The following ZNF536 variants were observed in gnomAD, a reference collection of about 807,000 sequenced individuals.
ZNF536 encodes the protein zinc finger protein 536.
ZNF536 carries 13 observed loss-of-function variants against 84.5 expected under a neutral mutation model. The ratio of observed to expected loss-of-function variants is 0.15; its 90% CI spans 0.10 to 0.24. The LOEUF is 0.24. ZNF536 is among the 10% of genes least tolerant of loss of function. The pLI is 1.00. For missense variants in ZNF536, 1,536 were observed against 1,747.5 expected (o/e 0.88, Z 2.16); for synonymous variants, 811 against 742.5 (o/e 1.09, Z -1.50).
At chr19:30,383,580 CTCT>C (rs1266057098) in intron 1 of ZNF536, among the ~76,000 whole-genome samples, 1 of 151,782 alleles carries the variant, frequency 6.6e-6, no homozygotes, top group African/African-American at 2.4e-5. Flanking sequence ...CCTTTATCCT[CTCT>C]TCTTCTGCCC....
At chr19:30,415,114 CTCCTTCTTCTCCTCCTCCTCCTTT>C (rs1186979206) in intron 1 of ZNF536, among the ~76,000 whole-genome samples, 5 of 143,560 alleles carry the variant, frequency 3.5e-5, no homozygotes, top group African/African-American at 5.2e-5. Flanking sequence ...CTTCCTCCTT[CTCCTTCTTCTCCTCCTCCTCCTTT>C]TCCTTCTTCT....
chr19:30,653,781 C>T (rs929083343), intron 1 of ZNF536, among the ~76,000 whole-genome samples: 4 of 152,152 alleles, frequency 2.6e-5, no homozygotes, highest in African/African-American at 9.7e-5. Flanking sequence ...CCCGCCCAGC[C>T]TGCCTTGCTC....
At chr19:30,266,196 G>A (rs1238924025) in intron 1 of ZNF536, among the ~76,000 whole-genome samples, 1 of 152,150 alleles carries the variant, frequency 6.6e-6, no homozygotes, top group Non-Finnish European at 1.5e-5. Context: ...CTACAGCCAC[G>A]AGCCACCATG....
intron 1 of ZNF536, among the ~76,000 whole-genome samples, chr19:30,681,986 G>A (rs2050991137): frequency 6.6e-6 from 1 of 152,146 alleles, no homozygotes; most frequent in African/African-American, 2.4e-5. Flanking sequence ...GTGCATAATC[G>A]ACAGTGCAAA....
At chr19:30,301,834 GAA>G (rs34062386) in intron 2 of ZNF536, among the ~76,000 whole-genome samples, 1 of 144,440 alleles carries the variant, frequency 6.9e-6, no homozygotes. Flanking sequence ...GTATGATGCT[GAA>G]AAAAAAAAAG....
At chr19:30,623,835 C>T (rs532977284) in intron 1 of ZNF536, among the ~76,000 whole-genome samples, 9 of 152,230 alleles carry the variant, frequency 5.9e-5, no homozygotes, top group South Asian at 2.1e-4. Context: ...TAGTGGATCC[C>T]GTAGCACTCT....
intron 1 of ZNF536, among the ~76,000 whole-genome samples, chr19:30,698,396 A>T (rs2051755425): frequency 6.6e-6 from 1 of 152,194 alleles, no homozygotes. Flanking sequence ...TATGTTTGTC[A>T]CAATTCACGA....
chr19:30,269,680 CT>C (rs1463556737), intron 1 of ZNF536, among the ~76,000 whole-genome samples: 4 of 152,182 alleles, frequency 2.6e-5, no homozygotes, highest in African/African-American at 9.7e-5. Flanking sequence ...CTATGAATAT[CT>C]TCTGGCTATT....
intron 2 of ZNF536, among the ~76,000 whole-genome samples, chr19:30,313,966 T>C (rs975072665): frequency 2.0e-5 from 3 of 152,198 alleles, no homozygotes; most frequent in East Asian, 3.8e-4. Context: ...AGGAAGTTCA[T>C]CAAAGTCCTG....
At chr19:30,599,992 GA>G (rs35514710) in intron 1 of ZNF536, among the ~76,000 whole-genome samples, 69,433 of 151,582 alleles carry the variant, frequency 0.46, 17,406 homozygotes, top group South Asian at 0.58. Context: ...GTCACTGGGG[GA>G]AAAAGTGGTG....
At chr19:30,407,950 CTTTG>C (rs1388722132) in intron 1 of ZNF536, among the ~76,000 whole-genome samples, 50 of 152,160 alleles carry the variant, frequency 3.3e-4, no homozygotes, top group Non-Finnish European at 6.6e-4. Context: ...CTGGGGTTTC[CTTTG>C]TTGAGAGGAA....
At position 30,533,618 on chromosome 19, in the gene ZNF536, C is replaced by T. The variant is rs141604433; in HGVS notation, c.2171-1229C>T. 3.6e-3 allele frequency among the ~76,000 whole-genome samples: 543 copies of T among 152,270 alleles called. 3 individuals are homozygous for T. Among genetic ancestry groups the T allele is most frequent in the African/African-American group, 0.012 (501 of 41,538 alleles). ...GTTAGCAGAGAACACCAGGAACAGACGTTGAGGAATAAAAGCAGTTTGCAT... is the reference window on the plus strand; with the variant it reads ...GTTAGCAGAGAACACCAGGAACAGATGTTGAGGAATAAAAGCAGTTTGCAT... On this transcript the variant is annotated intron_variant, in intron 2 of 4. Transcript: ENST00000355537.
intron 1 of ZNF536, among the ~76,000 whole-genome samples, chr19:30,566,415 T>G (rs1474888601): frequency 1.3e-5 from 2 of 152,266 alleles, no homozygotes; most frequent in East Asian, 3.8e-4. Flanking sequence ...TGGCAAGTCC[T>G]GTTCTAAGCT....
intron 1 of ZNF536, among the ~76,000 whole-genome samples, chr19:30,709,791 A>AT (rs938096688): frequency 7.6e-4 from 116 of 151,938 alleles, no homozygotes; most frequent in African/African-American, 2.6e-3. Flanking sequence ...TAATTTTTAA[A>AT]TTTTTTTTGT....
At chr19:30,480,617 A>T (rs2054039470) in intron 2 of ZNF536, among the ~76,000 whole-genome samples, 1 of 152,172 alleles carries the variant, frequency 6.6e-6, no homozygotes, top group South Asian at 2.1e-4. Context: ...TAAAACCTAG[A>T]TGACGGATTG....
rs1030770428 is a variant in ZNF536 at position 30,260,318 on chromosome 19, A to G, written c.-189-23754A>G. 1.6e-4 allele frequency among the ~76,000 whole-genome samples: 25 copies of G among 152,354 alleles called. No homozygotes were observed. The East Asian group carries it at 1.7e-3, about 11-fold the overall frequency. Reference sequence around the variant, plus strand: ...TGTTTCCATGTTCAGGTTGGGGAACATCACAGCAGTTGTTCCTGTCCAGGA... The same window carrying G: ...TGTTTCCATGTTCAGGTTGGGGAACGTCACAGCAGTTGTTCCTGTCCAGGA... On this transcript the variant is annotated intron_variant, in intron 1 of 5. Coordinates refer to the ZNF536 transcript ENST00000585628.
chr19:30,549,394 G>A lies in ZNF536; in HGVS notation c.3775G>A (p.Asp1259Asn), dbSNP rs771813165. ...PKPERGPQSL[D>N]KPMNMLSVLR... ...GCCGGAGCGGGGGCCCCAGAGCCTG[G>A]ACAAGCCGATGAACATGCTGTCGGT... Residue 1259 changes from aspartate (D) to asparagine (N), a missense_variant, in exon 4 of 5, where the codon GAC becomes AAC. Asp to Asn is a conservative substitution (Grantham distance 23). Coordinates refer to ENST00000355537, the MANE Select transcript of ZNF536 (RefSeq NM_014717.3). 1.6e-5 allele frequency: 25 copies of A among 1,593,120 alleles called. No homozygotes were observed. The Admixed American group carries it at 2.1e-4, about 13-fold the overall frequency.
intron 1 of ZNF536, among the ~76,000 whole-genome samples, chr19:30,404,019 CTTTTTTTTTT>C (rs11336660): frequency 2.4e-5 from 3 of 123,372 alleles, no homozygotes; most frequent in African/African-American, 3.3e-5. Context: ...TTCCTTTCCT[CTTTTTTTTTT>C]TTTTTTTTTT....
intron 2 of ZNF536, among the ~76,000 whole-genome samples, chr19:30,508,378 C>A (rs531557459): frequency 2.0e-5 from 3 of 152,286 alleles, no homozygotes; most frequent in African/African-American, 2.4e-5. Flanking sequence ...TGGGGAGGAC[C>A]TTTCTTCTGG....
Sources: gnomAD v4.1 joint callset for allele counts (sites outside exome capture counted in the v4.1 genomes callset) on GRCh38, gnomAD v4.1.1 for gene constraint, MANE v1.5 for transcripts, NCBI Gene and HGNC (gene_info 2026-07-23, HGNC 2026-07-21) for gene names.